GFOD1: variants seen among roughly 807,000 people sequenced by gnomAD.
The protein encoded by GFOD1 is Gfo/Idh/MocA-like oxidoreductase domain containing 1, also known as glucose-fructose oxidoreductase domain-containing protein 1.
In GFOD1, 9 loss-of-function variants were observed where a neutral mutation model predicts 25.4. That is an observed-to-expected ratio of 0.35 (90% CI 0.21 to 0.62). The LOEUF is 0.62. GFOD1 is among the 20% of genes least tolerant of loss of function. GFOD1 has a pLI of 0.72. For synonymous variants in GFOD1, 253 were observed against 245.6 expected (o/e 1.03, Z -0.28); for missense variants, 403 against 556.9 (o/e 0.72, Z 2.78).
intron 1 of GFOD1, among the ~76,000 whole-genome samples, chr6:13,418,373 T>C (rs1377482884): frequency 6.6e-6 from 1 of 152,258 alleles, no homozygotes; most frequent in Admixed American, 6.5e-5. Flanking sequence ...GCACATGGTC[T>C]GATTGACACA....
At chr6:13,436,637 CA>C (rs1229326533) in intron 1 of GFOD1, among the ~76,000 whole-genome samples, 1 of 152,204 alleles carries the variant, frequency 6.6e-6, no homozygotes, top group African/African-American at 2.4e-5. Flanking sequence ...GTATTATAAC[CA>C]ATGCTGCAAT....
intron 1 of GFOD1, among the ~76,000 whole-genome samples, chr6:13,428,258 C>T (rs1053559756): frequency 6.6e-6 from 1 of 152,188 alleles, no homozygotes; most frequent in Non-Finnish European, 1.5e-5. Context: ...CCTTTACGTG[C>T]CTCTCAAGCC....
intron 1 of GFOD1, among the ~76,000 whole-genome samples, chr6:13,480,293 T>C (rs1758719177): frequency 6.6e-6 from 1 of 152,224 alleles, no homozygotes; most frequent in African/African-American, 2.4e-5. Context: ...TCTGCACTGC[T>C]GTCTCAAAAA....
intron 1 of GFOD1, among the ~76,000 whole-genome samples, chr6:13,442,364 G>T (rs1287915087): frequency 6.6e-6 from 1 of 152,128 alleles, no homozygotes; most frequent in Non-Finnish European, 1.5e-5. Flanking sequence ...AATAGCATGC[G>T]ATCTCTTTAT....
At position 13,364,871 on chromosome 6, in the gene GFOD1, T is replaced by C; in HGVS notation, c.1045A>G (p.Thr349Ala). ...CCCGTCTGGCTGGACCTCTTGATGG[T>C]GTCCACCACGCACAAGGCATACAGG... ...DCLYALCVVD[T>A]IKRSSQTGEW... Residue 349 changes from threonine to alanine, a missense_variant, in exon 2 of 2, where the codon ACC becomes GCC. Physicochemically the swap from Thr to Ala is moderately conservative, Grantham distance 58 (BLOSUM62 0). Coordinates refer to ENST00000379287, the MANE Select transcript of GFOD1 (RefSeq NM_018988.4). The surrounding 1 kb of genome is among the most constrained non-coding windows in gnomAD (Gnocchi z 4.1). 6.2e-7 allele frequency: 1 copy of C among 1,614,010 alleles called. No homozygotes were observed. The highest frequency in any genetic ancestry group is 8.5e-7 in the Non-Finnish European group (1 of 1,180,036).
chr6:13,470,151 T>C lies in GFOD1; in HGVS notation c.253+16487A>G, dbSNP rs144728958. On this transcript the variant is annotated intron_variant, in intron 1 of 1. Coordinates refer to ENST00000379287, the MANE Select transcript of GFOD1 (RefSeq NM_018988.4). Reference sequence around the variant, plus strand: ...AAATCCTGTTGGTGAATGTAGCCAGTGATGTCCCACTGGCTTCCCCAGCAC... The same window carrying C: ...AAATCCTGTTGGTGAATGTAGCCAGCGATGTCCCACTGGCTTCCCCAGCAC... 2.6e-6 allele frequency: 4 copies of C among 1,519,600 alleles called. No homozygotes were observed. The African/African-American group carries it at 5.5e-5, about 21-fold the overall frequency. 94.1% of individuals were successfully genotyped at this position (1,519,600 alleles called of 1,614,324 possible).
At chr6:13,407,915 CAACT>C in intron 1 of GFOD1, 8 of 857,268 alleles carry the variant, frequency 9.3e-6, no homozygotes, top group Non-Finnish European at 9.8e-6. Context: ...CTCACCCAAC[CAACT>C]GACTCTCGGA....
At chr6:13,393,680 A>G (rs908388662) in intron 1 of GFOD1, among the ~76,000 whole-genome samples, 1 of 152,156 alleles carries the variant, frequency 6.6e-6, no homozygotes, top group African/African-American at 2.4e-5. Context: ...CATTGATTAC[A>G]AACAACTGTT....
chr6:13,482,656 G>A (rs1758777886), intron 1 of GFOD1, among the ~76,000 whole-genome samples: 1 of 152,114 alleles, frequency 6.6e-6, no homozygotes, highest in Non-Finnish European at 1.5e-5. Flanking sequence ...GCTGAAGCAG[G>A]AGAATCACTT....
At chr6:13,372,163 T>C (rs1318998229) in intron 1 of GFOD1, among the ~76,000 whole-genome samples, 1 of 152,244 alleles carries the variant, frequency 6.6e-6, no homozygotes, top group Non-Finnish European at 1.5e-5. Context: ...CCAACCTATG[T>C]TGCCGTGCTG....
intron 1 of GFOD1, among the ~76,000 whole-genome samples, chr6:13,484,797 C>G (rs1758828413): frequency 1.3e-5 from 2 of 152,234 alleles, no homozygotes; most frequent in African/African-American, 4.8e-5. Flanking sequence ...TGCCACCCTC[C>G]TGCTCTAGGT....
intron 1 of GFOD1, among the ~76,000 whole-genome samples, chr6:13,418,138 G>A (rs1038075424): frequency 1.3e-5 from 2 of 152,204 alleles, no homozygotes; most frequent in Non-Finnish European, 2.9e-5. Flanking sequence ...CTCAGCCCCA[G>A]ACCTGGACAA....
intron 1 of GFOD1, among the ~76,000 whole-genome samples, chr6:13,477,055 T>C (rs1243745146): frequency 6.6e-6 from 1 of 152,030 alleles, no homozygotes. Flanking sequence ...GGCCTGCTGC[T>C]CTCCTAGGGA....
intron 1 of GFOD1, among the ~76,000 whole-genome samples, chr6:13,465,082 A>AT (rs951650796): frequency 1.3e-5 from 2 of 152,078 alleles, no homozygotes; most frequent in Non-Finnish European, 2.9e-5. Context: ...CTTGTGCCAC[A>AT]TTTTTGCAAA....
intron 1 of GFOD1, among the ~76,000 whole-genome samples, chr6:13,408,627 G>A (rs72826939): frequency 0.015 from 2,212 of 152,222 alleles, 33 homozygotes; most frequent in Non-Finnish European, 0.024. Flanking sequence ...CCTGATGCCC[G>A]GGCCCCTCTA....
At chr6:13,473,658 G>A (rs1049496067) in intron 1 of GFOD1, among the ~76,000 whole-genome samples, 9 of 152,186 alleles carry the variant, frequency 5.9e-5, no homozygotes, top group Non-Finnish European at 8.8e-5. Context: ...AGTTTATCTC[G>A]CAGAACCAGT....
At chr6:13,476,898 G>A (rs902387508) in intron 1 of GFOD1, among the ~76,000 whole-genome samples, 85 of 152,234 alleles carry the variant, frequency 5.6e-4, no homozygotes, top group African/African-American at 1.8e-3. Context: ...ACCTGTAGAC[G>A]GGTATAGAAT....
chr6:13,484,945 CA>C (rs2127580495), intron 1 of GFOD1, among the ~76,000 whole-genome samples: 1 of 152,264 alleles, frequency 6.6e-6, no homozygotes, highest in East Asian at 1.9e-4. Context: ...CAGTTTTGTA[CA>C]AATTGCACTA....
chr6:13,375,526 G>A (rs1167260698), intron 1 of GFOD1, among the ~76,000 whole-genome samples: 1 of 152,180 alleles, frequency 6.6e-6, no homozygotes, highest in Non-Finnish European at 1.5e-5. Flanking sequence ...ATGGGTCAGA[G>A]TGACTCATAT....
Sources: gnomAD v4.1 joint callset for allele counts (sites outside exome capture counted in the v4.1 genomes callset) on GRCh38, gnomAD v4.1.1 for gene constraint, Gnocchi (gnomAD v3.1) non-coding constraint, MANE v1.5 for transcripts, NCBI Gene and HGNC (gene_info 2026-07-23, HGNC 2026-07-21) for gene names.